Variants in CLDN11 observed in about 807,000 individuals in gnomAD.
The protein encoded by CLDN11 is claudin-11.
A neutral mutation model predicts 18.0 loss-of-function variants in CLDN11; 1 was observed. The ratio of observed to expected loss-of-function variants is 0.06; its 90% confidence interval spans 0.02 to 0.26. CLDN11 has a LOEUF of 0.26. Among genes scored for constraint, CLDN11 ranks in the 10% least tolerant of loss-of-function variants. The probability of loss-of-function intolerance (pLI) is 1.00; values close to 1 mark genes in which losing one functional copy is unlikely to be tolerated. For synonymous variants in CLDN11, 116 were observed against 121.5 expected (o/e 0.96, Z 0.30); for missense variants, 172 against 276.6 (o/e 0.62, Z 2.68).
chr3:170,419,135 G>A lies in CLDN11; in HGVS notation c.69G>A (p.Val23=). The change falls in exon 1 of 3, where the codon GTG becomes GTA. Residue 23 remains valine (V), a synonymous_variant. Coordinates refer to ENST00000064724, the MANE Select transcript of CLDN11 (RefSeq NM_005602.6). The surrounding 1 kb of genome is among the most constrained non-coding windows in gnomAD (Gnocchi z 8.6). The part of the protein sequence containing the change: ...TSFVGWIGVI[V]TTSTNDWVVT... ...TCGTGGGCTGGATCGGGGTCATCGT[G>A]ACCACCTCCACCAATGACTGGGTGG... 6.4e-7 allele frequency: 1 copy of A among 1,552,218 alleles called. No individual in the cohort carries two copies. The highest frequency in any genetic ancestry group is 8.7e-7 in the Non-Finnish European group (1 of 1,147,512).
chr3:170,423,452 T>C (rs75113768), intron 2 of CLDN11, 125 bp downstream of exon 2: 1 of 966,488 alleles, frequency 1.0e-6, no homozygotes, highest in Non-Finnish European at 1.6e-6. Context: ...CAGTGGGGGA[T>C]GGACTCCCAC....
chr3:170,419,773 T>G lies in CLDN11; in HGVS notation c.226+481T>G, dbSNP rs77160575. 0.019 allele frequency among the ~76,000 whole-genome samples: 2,872 copies of G among 152,332 alleles called. 56 individuals are homozygous for G. Among genetic ancestry groups the G allele is most frequent in the East Asian group, 0.078 (402 of 5,168 alleles). ...CTCAGGCTGAGTTTCTCGGTCCTCA[T>G]GGGATGGGCGAAGCGCCCCCGGCCA... On this transcript the variant is annotated intron_variant, in intron 1 of 2. Transcript: ENST00000064724. The surrounding 1 kb of genome is among the most constrained non-coding windows in gnomAD (Gnocchi z 8.6).
At chr3:170,430,880 A>G (rs1192492042) in intron 2 of CLDN11, among the ~76,000 whole-genome samples, 1 of 152,162 alleles carries the variant, frequency 6.6e-6, no homozygotes, top group East Asian at 1.9e-4. Context: ...TAAATAATTA[A>G]TGGAGTGAAT....
rs1430678806 is a variant in CLDN11, at chr3:170,420,225, G to C, written c.226+933G>C. Among the ~76,000 whole-genome samples the C allele has an allele frequency of 5.9e-5, 9 of 152,246 alleles. No homozygotes were observed. In the East Asian group the frequency reaches 1.7e-3, roughly 29 times the overall value. ...AATTCAGATTTAAACCAATGGGTTGGGCAATGGCGAGGTCGCGGGCACCCC... is the reference window on the plus strand; with the variant it reads ...AATTCAGATTTAAACCAATGGGTTGCGCAATGGCGAGGTCGCGGGCACCCC... On this transcript the variant is annotated intron_variant, in intron 1 of 2. Coordinates refer to ENST00000064724, the MANE Select transcript of CLDN11 (RefSeq NM_005602.6).
chr3:170,419,796 C>T lies in CLDN11; in HGVS notation c.226+504C>T, dbSNP rs575378503. On this transcript the variant is annotated intron_variant, in intron 1 of 2. Coordinates refer to ENST00000064724, the MANE Select transcript of CLDN11 (RefSeq NM_005602.6). This position sits in a 1 kb window ranked among gnomAD's most constrained non-coding sequence, Gnocchi z 8.6. ...CATGGGATGGGCGAAGCGCCCCCGG[C>T]CAGGTTAGAGCCCTCCTAGCTCCGT... Among the ~76,000 whole-genome samples the T allele has an allele frequency of 2.7e-3, 412 of 152,394 alleles. 1 individual carries two copies. Among genetic ancestry groups the T allele is most frequent in the African/African-American group, 9.6e-3 (398 of 41,602 alleles).
rs769802266 is a variant in CLDN11, at chr3:170,419,141, C to T, written c.75C>T (p.Thr25=). The T allele has an allele frequency of 3.2e-5, 49 of 1,552,350 alleles. No homozygotes were observed. Among genetic ancestry groups the T allele is most frequent in the Admixed American group, 5.9e-5 (3 of 51,084 alleles). Reference sequence around the variant, plus strand: ...GCTGGATCGGGGTCATCGTGACCACCTCCACCAATGACTGGGTGGTGACCT... The same window carrying T: ...GCTGGATCGGGGTCATCGTGACCACTTCCACCAATGACTGGGTGGTGACCT... The part of the protein sequence containing the change: ...FVGWIGVIVT[T]STNDWVVTCG... Residue 25 remains threonine, a synonymous_variant, in exon 1 of 3, where the codon ACC becomes ACT. Coordinates refer to ENST00000064724, the MANE Select transcript of CLDN11 (RefSeq NM_005602.6). The surrounding 1 kb of genome is among the most constrained non-coding windows in gnomAD (Gnocchi z 8.6).
chr3:170,425,695 C>T (rs1431574627), intron 2 of CLDN11, among the ~76,000 whole-genome samples: 1 of 152,156 alleles, frequency 6.6e-6, no homozygotes. Flanking sequence ...CCTGACCCCA[C>T]CCAAGGAGGC....
chr3:170,420,673 G>A (rs1462055149), intron 1 of CLDN11, among the ~76,000 whole-genome samples: 1 of 152,172 alleles, frequency 6.6e-6, no homozygotes, highest in Non-Finnish European at 1.5e-5. Flanking sequence ...ATAGCTGCGG[G>A]CAGTGCTTGC....
intron 2 of CLDN11, 58 bp downstream of exon 2, chr3:170,423,385 C>G (rs1738768312): frequency 3.8e-6 from 6 of 1,571,104 alleles, no homozygotes; most frequent in Admixed American, 3.5e-5. Context: ...AATCTCAGAT[C>G]TTGTGGTTGC....
At chr3:170,423,043 T>C in intron 1 of CLDN11, 120 bp from the exon 2 acceptor site, 2 of 1,071,858 alleles carry the variant, frequency 1.9e-6, no homozygotes, top group South Asian at 1.4e-5. Flanking sequence ...TAGCACCTTC[T>C]AAGTCCTGGA....
intron 1 of CLDN11, among the ~76,000 whole-genome samples, chr3:170,420,039 A>G (rs1428482495): frequency 1.3e-5 from 2 of 151,928 alleles, no homozygotes; most frequent in East Asian, 3.9e-4. Context: ...CGGAGGGCGG[A>G]CTCCACTGGG....
Position 170,422,773 on chromosome 3 carries a change from G to A in CLDN11, c.227-390G>A, listed in dbSNP as rs146032654. ...ATAAGACATCATGGTTAAGTAACTT[G>A]CCCAAGGTCACACAGGTAGAGCTAT... On this transcript the variant is annotated intron_variant, in intron 1 of 2. Coordinates refer to ENST00000064724, the MANE Select transcript of CLDN11 (RefSeq NM_005602.6). Among the ~76,000 whole-genome samples, 4 of 152,270 alleles carry A rather than the reference G, an allele frequency of 2.6e-5. No homozygotes were observed. The East Asian group carries it at 5.8e-4, about 22-fold the overall frequency.
Position 170,419,107 on chromosome 3 carries a change from G to T in CLDN11, c.41G>T (p.Ser14Ile). The T allele has an allele frequency of 6.4e-7, 1 of 1,551,530 alleles. No individual in the cohort carries two copies. Residue 14 changes from serine (S) to isoleucine (I), a missense_variant, in exon 1 of 3, where the codon AGC becomes ATC. This residue lies in a region of CLDN11 where 10 missense variants were observed against 17.3 expected (regional missense o/e 0.58). Coordinates refer to ENST00000064724, the MANE Select transcript of CLDN11 (RefSeq NM_005602.6). This position sits in a 1 kb window ranked among gnomAD's most constrained non-coding sequence, Gnocchi z 8.6. ...CTGCAGGTGGTGGGCTTCGTCACGA[G>T]CTTCGTGGGCTGGATCGGGGTCATC... ...TCLQVVGFVT[S>I]FVGWIGVIVT...
At position 170,423,188 on chromosome 3, in the gene CLDN11, G is replaced by C. The variant is rs768358699; in HGVS notation, c.252G>C (p.Leu84=). 1 of 1,614,202 alleles carries C rather than the reference G, an allele frequency of 6.2e-7. No individual in the cohort carries two copies. Among genetic ancestry groups the C allele is most frequent in the South Asian group, 1.1e-5 (1 of 91,082 alleles). ...GCTACGTGCAGGCCTGCCGCGCCCT[G>C]ATGATTGCTGCCTCGGTCCTGGGTC... ...LPGYVQACRA[L]MIAASVLGLP... is the part of the protein sequence containing the mutation. Residue 84 remains leucine, a synonymous_variant, in exon 2 of 3, where the codon CTG becomes CTC. Coordinates refer to ENST00000064724, the MANE Select transcript of CLDN11 (RefSeq NM_005602.6).
At chr3:170,424,947 G>A (rs1016468195) in intron 2 of CLDN11, among the ~76,000 whole-genome samples, 11 of 151,796 alleles carry the variant, frequency 7.2e-5, no homozygotes, top group Non-Finnish European at 8.8e-5. Flanking sequence ...GTGTGCGCGC[G>A]TGTGTGTGTG....
At chr3:170,427,552 C>G (rs560744502) in intron 2 of CLDN11, among the ~76,000 whole-genome samples, 15 of 152,128 alleles carry the variant, frequency 9.9e-5, no homozygotes, top group Admixed American at 9.8e-4. Context: ...ACCCAGGAGG[C>G]AGAGGTTGTG....
rs1323148134 is a variant in CLDN11, at chr3:170,424,054, A to AAAAG, written c.391+739_391+742dup. 6.6e-5 allele frequency among the ~76,000 whole-genome samples: 10 copies of AAAAG among 151,972 alleles called. No homozygotes were observed. In the South Asian group the frequency reaches 2.1e-3, roughly 32 times the overall value. On this transcript the variant is annotated intron_variant, in intron 2 of 2. Transcript: ENST00000064724. ...AAAAAAAAAAGAAAAAGAAAAAGAA[A>AAAAG]AAAGAAAGAAAGAAAAAAGTAAAGA... is the stretch of plus-strand genomic sequence containing the variant.
Position 170,430,531 on chromosome 3 carries a change from T to G in CLDN11, c.392-1993T>G, listed in dbSNP as rs572756503. ...ATTAGCATATGGATAGATTTTAGCT[T>G]CTTCTTTTTCTCTTTTTTTTTTTTT... On this transcript the variant is annotated intron_variant, in intron 2 of 2. Transcript: ENST00000064724. Among the ~76,000 whole-genome samples, 13 of 103,522 alleles carry G rather than the reference T, an allele frequency of 1.3e-4. 1 individual carries two copies. The highest frequency in any genetic ancestry group is 5.7e-4 in the Admixed American group (5 of 8,780). 67.9% of individuals were successfully genotyped at this position (103,522 alleles called of 152,430 possible).
Position 170,419,301 on chromosome 3 carries a change from C to T in CLDN11, c.226+9C>T. On this transcript the variant is annotated intron_variant, in intron 1 of 2. Coordinates refer to ENST00000064724, the MANE Select transcript of CLDN11 (RefSeq NM_005602.6). This position sits in a 1 kb window ranked among gnomAD's most constrained non-coding sequence, Gnocchi z 8.6. ...CATCCTCATCCTGCCGGGTAAGGAC[C>T]CGAGCTTGGCGGCGGCTCCCAAATC... The T allele has an allele frequency of 6.5e-7, 1 of 1,537,652 alleles. No homozygotes were observed. The highest frequency in any genetic ancestry group is 1.4e-5 in the African/African-American group (1 of 72,904).
Sources: allele counts gnomAD v4.1 joint callset (sites outside exome capture counted in the v4.1 genomes callset), GRCh38; gene constraint gnomAD v4.1.1; regional missense constraint gnomAD v4.1.1; non-coding constraint Gnocchi (gnomAD v3.1); transcripts MANE v1.5; gene names NCBI Gene and HGNC (gene_info 2026-07-23, HGNC 2026-07-21).